MYLK4: variants seen among roughly 807,000 people sequenced by gnomAD.
MYLK4 encodes the protein caMLCK like.
A neutral mutation model predicts 48.1 loss-of-function variants in MYLK4; 46 were observed. The observed-to-expected ratio is 0.96, with a 90% CI of 0.75 to 1.22. MYLK4 has a LOEUF of 1.22. MYLK4 is among the 50% of genes most tolerant of loss of function. MYLK4 has a pLI of 0.00. For missense variants in MYLK4, 451 were observed against 486.1 expected (o/e 0.93, Z 0.68); for synonymous variants, 170 against 180.8 (o/e 0.94, Z 0.48).
chr6:2,743,951 C>G (rs17214342), intron 2 of MYLK4: 1 of 398,554 alleles, frequency 2.5e-6, no homozygotes, highest in Non-Finnish European at 4.4e-6. Flanking sequence ...CATCACGAAC[C>G]GGATCAAGCA....
At chr6:2,745,018 T>C (rs1397826422) in intron 2 of MYLK4, among the ~76,000 whole-genome samples, 1 of 152,060 alleles carries the variant, frequency 6.6e-6, no homozygotes, top group Non-Finnish European at 1.5e-5. Context: ...GGATGGAGGA[T>C]GAGTAACTAG....
the MYLK4 span, among the ~76,000 whole-genome samples, chr6:2,769,549 ACT>A: frequency 6.6e-6 from 1 of 152,210 alleles, no homozygotes; most frequent in African/African-American, 2.4e-5. Context: ...ATTTCACAAA[ACT>A]CTACTGAGCC....
chr6:2,689,716 G>C (rs146277279), intron 3 of MYLK4, among the ~76,000 whole-genome samples: 1 of 152,104 alleles, frequency 6.6e-6, no homozygotes, highest in African/African-American at 2.4e-5. Flanking sequence ...CTCATTCTTC[G>C]TTAATTCATT....
At chr6:2,732,983 A>G (rs1447682681) in intron 2 of MYLK4, among the ~76,000 whole-genome samples, 1 of 152,210 alleles carries the variant, frequency 6.6e-6, no homozygotes, top group Non-Finnish European at 1.5e-5. Flanking sequence ...TCAATTTCTC[A>G]AGTCGATTCA....
chr6:2,680,189 C>T lies in MYLK4; in HGVS notation c.758+32G>A, dbSNP rs181691180. ...AGGGCAACCATCATGTCCCCCAGCT[C>T]CATTCGTACACCTATGTCCAAATAG... On this transcript the variant is annotated intron_variant, in intron 8 of 12. Transcript: ENST00000274643. The T allele has an allele frequency of 6.2e-6, 10 of 1,612,740 alleles. No individual in the cohort carries two copies. In the East Asian group the frequency reaches 2.2e-4, roughly 36 times the overall value.
intron 2 of MYLK4, among the ~76,000 whole-genome samples, chr6:2,694,572 G>GTGC (rs145349534): frequency 0.07 from 6,451 of 92,316 alleles, 476 homozygotes; most frequent in East Asian, 0.17. Context: ...GGTAGTGGTA[G>GTGC]TGCTGCTGGT....
At chr6:2,690,893 G>A (rs113930345) in intron 3 of MYLK4, among the ~76,000 whole-genome samples, 3,267 of 141,560 alleles carry the variant, frequency 0.023, 118 homozygotes, top group African/African-American at 0.082. Flanking sequence ...GCAGTGGCGC[G>A]ATCTCGGCTC....
chr6:2,689,731 A>C (rs139379854), intron 3 of MYLK4, among the ~76,000 whole-genome samples: 2 of 152,386 alleles, frequency 1.3e-5, no homozygotes, highest in East Asian at 3.9e-4. Flanking sequence ...TTCATTTACT[A>C]AGCAGCGACT....
the MYLK4 span, chr6:2,765,859 G>A: frequency 3.5e-6 from 5 of 1,440,784 alleles, no homozygotes; most frequent in Admixed American, 4.9e-5. Flanking sequence ...AGAGCTCGGC[G>A]CTGAAGCAGC....
the MYLK4 span, chr6:2,766,000 C>T: frequency 1.1e-5 from 15 of 1,360,942 alleles, no homozygotes; most frequent in Admixed American, 9.4e-5. Flanking sequence ...TCCCCGACTT[C>T]CCGGTGGCCC....
chr6:2,743,742 A>T (rs1763974309), intron 2 of MYLK4, among the ~76,000 whole-genome samples: 1 of 152,190 alleles, frequency 6.6e-6, no homozygotes, highest in Non-Finnish European at 1.5e-5. Flanking sequence ...AATGTGCCAC[A>T]TGCCACTATT....
intron 2 of MYLK4, among the ~76,000 whole-genome samples, chr6:2,702,367 C>T (rs953322352): frequency 6.6e-6 from 1 of 152,096 alleles, no homozygotes; most frequent in Non-Finnish European, 1.5e-5. Context: ...GCAAAGAATA[C>T]AGTTAGAATT....
chr6:2,733,273 T>G (rs1348082237), intron 2 of MYLK4, among the ~76,000 whole-genome samples: 1 of 152,194 alleles, frequency 6.6e-6, no homozygotes, highest in Non-Finnish European at 1.5e-5. Flanking sequence ...TTTATCCCCA[T>G]AAAATTTTTC....
the MYLK4 span, chr6:2,770,133 C>T: frequency 1.2e-6 from 2 of 1,614,220 alleles, no homozygotes; most frequent in South Asian, 2.2e-5. Flanking sequence ...ACTTTCCTTC[C>T]TCACGTGGAA....
In MYLK4 at chr6:2,684,216, G is replaced by A. The variant is rs111712495; in HGVS notation, c.546-1054C>T. Among the ~76,000 whole-genome samples, 939 of 152,216 alleles carry A rather than the reference G, an allele frequency of 6.2e-3. 8 individuals carry two copies. The highest frequency in any genetic ancestry group is 0.021 in the South Asian group (100 of 4,814). ...GCCTCCACAGTCAATCTGATGACCCGGTCGGCTACTAAGTGACTAACCGCA... is the reference window on the plus strand; with the variant it reads ...GCCTCCACAGTCAATCTGATGACCCAGTCGGCTACTAAGTGACTAACCGCA... On this transcript the variant is annotated intron_variant, in intron 6 of 12. Transcript: ENST00000274643.
intron 2 of MYLK4, among the ~76,000 whole-genome samples, chr6:2,737,973 GGGGC>G (rs1230749001): frequency 1.1e-5 from 1 of 92,152 alleles, no homozygotes; most frequent in African/African-American, 3.8e-5. Context: ...TGGGGTGCCG[GGGGC>G]GGGTGGGGGG....
chr6:2,697,004 A>T (rs1450567444), intron 2 of MYLK4, among the ~76,000 whole-genome samples: 3 of 152,248 alleles, frequency 2.0e-5, no homozygotes, highest in African/African-American at 7.2e-5. Flanking sequence ...GGTTGCCGTG[A>T]GTCAAGATTA....
intron 2 of MYLK4, among the ~76,000 whole-genome samples, chr6:2,722,143 G>A (rs1290055424): frequency 2.0e-5 from 3 of 152,198 alleles, no homozygotes; most frequent in Non-Finnish European, 1.5e-5. Context: ...AACTACTGTG[G>A]AACAGAATAA....
intron 2 of MYLK4, among the ~76,000 whole-genome samples, chr6:2,733,068 G>A (rs1447848644): frequency 1.3e-5 from 2 of 152,140 alleles, no homozygotes; most frequent in Non-Finnish European, 2.9e-5. Context: ...AACAAAAATG[G>A]TCTCAGCTCT....
Sources: gnomAD v4.1 joint callset for allele counts (sites outside exome capture counted in the v4.1 genomes callset) on GRCh38, gnomAD v4.1.1 for gene constraint, MANE v1.5 for transcripts, NCBI Gene and HGNC (gene_info 2026-07-23, HGNC 2026-07-21) for gene names.